The following PTPRO variants were observed in gnomAD, a reference collection of about 807,000 sequenced individuals.
The protein encoded by PTPRO is receptor-type tyrosine-protein phosphatase O.
A neutral mutation model predicts 145.2 loss-of-function variants in PTPRO; 62 were observed. The ratio of observed to expected loss-of-function variants is 0.43; its 90% CI spans 0.35 to 0.53. PTPRO has a LOEUF of 0.53. PTPRO is among the 20% of genes least tolerant of loss of function. The pLI is 0.01. For missense variants in PTPRO, 1,345 were observed against 1,482.7 expected (o/e 0.91, Z 1.53); for synonymous variants, 565 against 514.7 (o/e 1.10, Z -1.32).
At chr12:15,591,176 C>T (rs1056892938) in intron 25 of PTPRO, among the ~76,000 whole-genome samples, 10 of 152,048 alleles carry the variant, frequency 6.6e-5, no homozygotes, top group Admixed American at 5.9e-4. Flanking sequence ...GGAGACCAGC[C>T]TGGCCAACAT....
intron 10 of PTPRO, among the ~76,000 whole-genome samples, chr12:15,524,157 TAAA>T (rs34287474): frequency 6.2e-5 from 8 of 129,114 alleles, no homozygotes; most frequent in African/African-American, 1.4e-4. Flanking sequence ...GCTTCGTGGC[TAAA>T]AAAAAAAAAA....
chr12:15,433,747 T>G (rs7133656), intron 1 of PTPRO, among the ~76,000 whole-genome samples: 9,823 of 152,274 alleles, frequency 0.065, 981 homozygotes, highest in African/African-American at 0.21. Context: ...CCATGCTGCT[T>G]TGGTTATTGT....
chr12:15,407,671 A>G (rs1939684779), intron 1 of PTPRO, among the ~76,000 whole-genome samples: 1 of 152,210 alleles, frequency 6.6e-6, no homozygotes, highest in Admixed American at 6.5e-5. Flanking sequence ...TTTCTCTAAA[A>G]TAACCCAAAA....
intron 18 of PTPRO, among the ~76,000 whole-genome samples, chr12:15,568,136 A>T (rs2135600758): frequency 1.3e-5 from 2 of 152,232 alleles, no homozygotes; most frequent in East Asian, 3.8e-4. Context: ...ATTGGACATA[A>T]GACCACAGTT....
chr12:15,564,153 G>A (rs976266548), intron 17 of PTPRO, among the ~76,000 whole-genome samples: 1 of 152,026 alleles, frequency 6.6e-6, no homozygotes, highest in Non-Finnish European at 1.5e-5. Context: ...AGAGGATGAG[G>A]GAGAAAAAAT....
chr12:15,366,465 G>T (rs991289778), intron 1 of PTPRO, among the ~76,000 whole-genome samples: 1 of 152,076 alleles, frequency 6.6e-6, no homozygotes, highest in Non-Finnish European at 1.5e-5. Flanking sequence ...TTGATTGCTT[G>T]TTGAAAAGCA....
intron 24 of PTPRO, 106 bp downstream of exon 24, chr12:15,587,157 A>G: frequency 1.6e-6 from 2 of 1,264,032 alleles, no homozygotes; most frequent in South Asian, 1.3e-5. Flanking sequence ...AAAATTAAAT[A>G]AACTCTGATG....
chr12:15,478,700 C>G (rs577054892), intron 1 of PTPRO, among the ~76,000 whole-genome samples: 60 of 152,082 alleles, frequency 3.9e-4, no homozygotes, highest in African/African-American at 1.3e-3. Context: ...GAGACAGAGT[C>G]TCTCTCTGTC....
At chr12:15,405,476 A>T (rs1050233391) in intron 1 of PTPRO, among the ~76,000 whole-genome samples, 1 of 152,190 alleles carries the variant, frequency 6.6e-6, no homozygotes, top group Non-Finnish European at 1.5e-5. Context: ...TCTAATTGAT[A>T]TGAGTTCTAA....
intron 1 of PTPRO, among the ~76,000 whole-genome samples, chr12:15,365,652 C>T (rs1156670986): frequency 6.6e-6 from 1 of 152,082 alleles, no homozygotes; most frequent in Non-Finnish European, 1.5e-5. Flanking sequence ...ATATATAAAA[C>T]ATCTTTTTAT....
In PTPRO at chr12:15,515,632, C is replaced by G. The variant is rs1248795321; in HGVS notation, c.1585+14C>G. 2 of 1,613,886 alleles carry G rather than the reference C, an allele frequency of 1.2e-6. No individual in the cohort carries two copies. The highest frequency in any genetic ancestry group is 1.1e-5 in the South Asian group (1 of 91,068). On this transcript the variant is annotated intron_variant, in intron 8 of 26. Transcript: ENST00000281171. ...CATTTGCTATTGGTAAGTTGCTAGCCACAAGAAGAATGACTGACCTATATA... is the reference window on the plus strand; with the variant it reads ...CATTTGCTATTGGTAAGTTGCTAGCGACAAGAAGAATGACTGACCTATATA...
chr12:15,499,851 A>G (rs1284946356), intron 4 of PTPRO, among the ~76,000 whole-genome samples: 1 of 152,244 alleles, frequency 6.6e-6, no homozygotes, highest in African/African-American at 2.4e-5. Flanking sequence ...ACCAAAGGTT[A>G]TAATTAACTG....
intron 12 of PTPRO, among the ~76,000 whole-genome samples, chr12:15,529,401 C>A (rs1942910752): frequency 6.6e-6 from 1 of 151,272 alleles, no homozygotes; most frequent in Non-Finnish European, 1.5e-5. Flanking sequence ...TGCCTGTAAT[C>A]CAGCACTTTG....
At chr12:15,508,841 C>A (rs1182862745) in intron 7 of PTPRO, 74 bp downstream of exon 7, 3 of 1,474,058 alleles carry the variant, frequency 2.0e-6, no homozygotes, top group Admixed American at 1.8e-5. Context: ...GCCAAGGAGG[C>A]AATTGTAGGA....
chr12:15,504,846 G>A lies in PTPRO; in HGVS notation c.1267+777G>A, dbSNP rs117660677. Among the ~76,000 whole-genome samples, 60 of 152,296 alleles carry A rather than the reference G, an allele frequency of 3.9e-4. 1 individual carries two copies. The highest frequency in any genetic ancestry group is 5.1e-4 in the Non-Finnish European group (35 of 68,016). On this transcript the variant is annotated intron_variant, in intron 6 of 26. Transcript: ENST00000281171. ...TCTGGAAAGGCAAATACCACCTTTC[G>A]TTGAAGGACGGATGAGAGCAGAAGA... is the stretch of plus-strand genomic sequence containing the variant.
chr12:15,572,461 G>A (rs1944075966), intron 19 of PTPRO, among the ~76,000 whole-genome samples: 2 of 152,186 alleles, frequency 1.3e-5, no homozygotes, highest in Middle Eastern at 6.8e-3. Flanking sequence ...ATCTGTTAAC[G>A]TTAAGCTACA....
At chr12:15,526,089 T>C in intron 11 of PTPRO, 53 bp from the exon 12 acceptor site, 1 of 1,611,558 alleles carries the variant, frequency 6.2e-7, no homozygotes, top group Non-Finnish European at 8.5e-7. Context: ...TTTGGGGTGG[T>C]GCACTGATTC....
At chr12:15,494,287 CT>C (rs1453227726) in intron 2 of PTPRO, among the ~76,000 whole-genome samples, 2 of 152,122 alleles carry the variant, frequency 1.3e-5, no homozygotes. Flanking sequence ...AACTCCATTT[CT>C]CTGTCCAGTC....
intron 1 of PTPRO, chr12:15,440,034 G>T (rs1407300941): frequency 4.6e-6 from 3 of 659,090 alleles, no homozygotes; most frequent in East Asian, 2.8e-5. Context: ...GGCTACAGGG[G>T]TAACAAGATC....
Sources: allele counts gnomAD v4.1 joint callset (sites outside exome capture counted in the v4.1 genomes callset), GRCh38; gene constraint gnomAD v4.1.1; transcripts MANE v1.5; gene names NCBI Gene and HGNC (gene_info 2026-07-23, HGNC 2026-07-21).